Variants in KIAA1958 observed in about 807,000 individuals in gnomAD.
KIAA1958 encodes KIAA1958.
A neutral mutation model predicts 47.2 loss-of-function variants in KIAA1958; 14 were observed. The ratio of observed to expected loss-of-function variants is 0.30; its 90% CI spans 0.20 to 0.46. The LOEUF (loss-of-function observed/expected upper bound fraction) is 0.46, where lower values mean the gene tolerates loss of function less well. Among genes scored for constraint, KIAA1958 ranks in the 20% least tolerant of loss-of-function variants. KIAA1958 has a pLI of 1.00. For synonymous variants in KIAA1958, 354 were observed against 353.3 expected (o/e 1.00, Z -0.02); for missense variants, 803 against 909.2 (o/e 0.88, Z 1.50).
intron 1 of KIAA1958, among the ~76,000 whole-genome samples, chr9:112,514,839 T>C (rs1834388601): frequency 1.9e-5 from 1 of 53,330 alleles, no homozygotes; most frequent in Non-Finnish European, 4.2e-5. Flanking sequence ...AGCCGCCCCG[T>C]CCGGGAGGGA....
intron 2 of KIAA1958, among the ~76,000 whole-genome samples, chr9:112,595,062 G>A (rs1388234021): frequency 6.6e-6 from 1 of 152,118 alleles, no homozygotes; most frequent in African/African-American, 2.4e-5. Context: ...ACTTAAGTTA[G>A]CAGTGATCAA....
At chr9:112,505,649 G>C (rs1834221765) in intron 1 of KIAA1958, among the ~76,000 whole-genome samples, 1 of 152,210 alleles carries the variant, frequency 6.6e-6, no homozygotes, top group African/African-American at 2.4e-5. Context: ...ATTGTATGTT[G>C]TTGTAGCACC....
intron 3 of KIAA1958, among the ~76,000 whole-genome samples, chr9:112,649,539 C>T (rs1164486068): frequency 6.6e-6 from 1 of 151,690 alleles, no homozygotes; most frequent in Non-Finnish European, 1.5e-5. Context: ...AATTGGAATC[C>T]CTGAAAAAGA....
rs200708381 is a variant in KIAA1958 at position 112,618,490 on chromosome 9, G to A, written c.1172-27160G>A. The A allele has an allele frequency of 3.9e-6, 6 of 1,550,640 alleles. No homozygotes were observed. Among genetic ancestry groups the A allele is most frequent in the African/African-American group, 1.4e-5 (1 of 73,062 alleles). ...CTGGAGACTTGAATGCCAAAACCAA[G>A]AGAGGGGGGACAGACTCCCGTGTGT... On this transcript the variant is annotated intron_variant, in intron 2 of 3. Transcript: ENST00000337530. This position sits in a 1 kb window ranked among gnomAD's most constrained non-coding sequence, Gnocchi z 7.1.
rs1449644035 is a variant in KIAA1958, at chr9:112,618,121, G to A, written c.1172-27529G>A. 1.7e-5 allele frequency: 27 copies of A among 1,550,408 alleles called. No individual in the cohort carries two copies. In the Admixed American group the frequency reaches 4.9e-4, roughly 28 times the overall value. ...CCAATTACCAGTGTGGGCTCGAAAG[G>A]TACCTGAAAGAACACAGGTATGGCT... On this transcript the variant is annotated intron_variant, in intron 2 of 3. Transcript: ENST00000337530. The surrounding 1 kb of genome is among the most constrained non-coding windows in gnomAD (Gnocchi z 7.1).
At chr9:112,579,381 C>T (rs185233700) in intron 2 of KIAA1958, among the ~76,000 whole-genome samples, 2 of 151,842 alleles carry the variant, frequency 1.3e-5, no homozygotes, top group Admixed American at 6.6e-5. Context: ...GGTTTTCTTT[C>T]TCTCTCCTCT....
intron 1 of KIAA1958, among the ~76,000 whole-genome samples, chr9:112,520,703 A>G (rs770556228): frequency 2.0e-4 from 30 of 152,226 alleles, no homozygotes; most frequent in Non-Finnish European, 1.9e-4. Context: ...ATACAAATAA[A>G]TGTTAATTTT....
intron 1 of KIAA1958, among the ~76,000 whole-genome samples, chr9:112,511,503 C>G (rs570084609): frequency 2.0e-5 from 3 of 152,022 alleles, no homozygotes; most frequent in African/African-American, 7.3e-5. Flanking sequence ...AATGATATAC[C>G]ATAAAATCTA....
At chr9:112,487,832 A>C (rs1833890381) in intron 1 of KIAA1958, among the ~76,000 whole-genome samples, 1 of 145,892 alleles carries the variant, frequency 6.9e-6, no homozygotes, top group Non-Finnish European at 1.5e-5. Flanking sequence ...ACCAAAATCA[A>C]AGAATGTTTT....
At position 112,491,072 on chromosome 9, in the gene KIAA1958, A is replaced by G. The variant is rs952577659; in HGVS notation, c.-25+3954A>G. Among the ~76,000 whole-genome samples the G allele has an allele frequency of 4.6e-5, 7 of 152,180 alleles. No homozygotes were observed. In the South Asian group the frequency reaches 6.2e-4, roughly 13 times the overall value. On this transcript the variant is annotated intron_variant, in intron 1 of 3. Transcript: ENST00000337530. ...CTCTTCAAACTCCTGGGCCCAAAGG[A>G]TCACATCTCAACCTCCCAAGTAGCT...
chr9:112,603,576 C>T (rs891118538), intron 2 of KIAA1958, among the ~76,000 whole-genome samples: 1 of 152,198 alleles, frequency 6.6e-6, no homozygotes. Context: ...ACTTCTCTCT[C>T]CTCTCCCTCT....
At chr9:112,505,312 C>T (rs1454866891) in intron 1 of KIAA1958, among the ~76,000 whole-genome samples, 2 of 152,052 alleles carry the variant, frequency 1.3e-5, no homozygotes, top group Non-Finnish European at 2.9e-5. Flanking sequence ...TGTTTCTGGC[C>T]CTTATTAGTA....
At position 112,660,398 on chromosome 9, in the gene KIAA1958, C is replaced by A; in HGVS notation, c.*329C>A. 1 of 282,126 alleles carries A rather than the reference C, an allele frequency of 3.5e-6. No homozygotes were observed. 17.5% of individuals were successfully genotyped at this position (282,126 alleles called of 1,614,324 possible). A position where few individuals can be genotyped will look rare whatever the true frequency, so the allele number is the denominator to read the frequency against. On this transcript the variant is annotated 3_prime_UTR_variant, in exon 4 of 4. Coordinates refer to ENST00000337530, the MANE Select transcript of KIAA1958 (RefSeq NM_133465.4). ...CACAGGTTTTCTCAAAACAAACAAA[C>A]AAAAAAGGAAACTGTTAAGTAGTCG...
chr9:112,646,611 G>T (rs1437938073), intron 3 of KIAA1958, among the ~76,000 whole-genome samples: 2 of 152,176 alleles, frequency 1.3e-5, no homozygotes, highest in African/African-American at 2.4e-5. Flanking sequence ...GCACACACCT[G>T]TAACAGTCCC....
intron 1 of KIAA1958, among the ~76,000 whole-genome samples, chr9:112,519,890 A>G (rs1834507991): frequency 6.6e-6 from 1 of 152,208 alleles, no homozygotes; most frequent in East Asian, 1.9e-4. Context: ...ATAGCATTTA[A>G]TTAGTATTTC....
intron 1 of KIAA1958, among the ~76,000 whole-genome samples, chr9:112,534,533 C>T (rs1834818203): frequency 6.6e-6 from 1 of 151,272 alleles, no homozygotes; most frequent in African/African-American, 2.4e-5. Flanking sequence ...TTGGGATATT[C>T]ATCTTTTTCT....
At chr9:112,568,536 C>T (rs1588021595) in intron 1 of KIAA1958, among the ~76,000 whole-genome samples, 1 of 152,126 alleles carries the variant, frequency 6.6e-6, no homozygotes, top group East Asian at 1.9e-4. Flanking sequence ...GATGTTTATA[C>T]CTCCAGTTTT....
chr9:112,503,811 C>G (rs755861000), intron 1 of KIAA1958, among the ~76,000 whole-genome samples: 8 of 151,858 alleles, frequency 5.3e-5, no homozygotes, highest in Non-Finnish European at 1.2e-4. Context: ...ATTTTTCTCC[C>G]TTCCATTTTC....
intron 2 of KIAA1958, among the ~76,000 whole-genome samples, chr9:112,586,690 C>T (rs922891366): frequency 3.3e-5 from 5 of 152,100 alleles, no homozygotes; most frequent in Non-Finnish European, 5.9e-5. Flanking sequence ...GCGAAATATA[C>T]CCAAATGCAG....
Sources: gnomAD v4.1 joint callset for allele counts (sites outside exome capture counted in the v4.1 genomes callset) on GRCh38, gnomAD v4.1.1 for gene constraint, Gnocchi (gnomAD v3.1) non-coding constraint, MANE v1.5 for transcripts, NCBI Gene and HGNC (gene_info 2026-07-23, HGNC 2026-07-21) for gene names.